Variants in PARD3B observed in about 807,000 individuals in gnomAD.
The protein encoded by PARD3B is partitioning defective 3 homolog B.
PARD3B carries 103 observed loss-of-function variants against 130.2 expected under a neutral mutation model. That is an observed-to-expected ratio of 0.79 (90% CI 0.67 to 0.93). The LOEUF is 0.93. PARD3B is among the 40% of genes least tolerant of loss of function. PARD3B has a pLI of 0.00. For synonymous variants in PARD3B, 583 were observed against 553.2 expected, an observed-to-expected ratio of 1.05 and a Z score of -0.76; for missense variants, 1,609 against 1,499.2, an observed-to-expected ratio of 1.07 and a Z score of -1.21.
chr2:205,319,545 C>T (rs2042677900), intron 18 of PARD3B, among the ~76,000 whole-genome samples: 1 of 152,194 alleles, frequency 6.6e-6, no homozygotes, highest in South Asian at 2.1e-4. Flanking sequence ...GGATGGACTG[C>T]TTCTAGACTA....
chr2:205,332,774 C>G (rs1269141769), intron 18 of PARD3B, among the ~76,000 whole-genome samples: 1 of 152,112 alleles, frequency 6.6e-6, no homozygotes, highest in Admixed American at 6.5e-5. Context: ...GTAGTGTCCA[C>G]TTTTCACTGA....
At chr2:205,346,889 T>C (rs960565600) in intron 18 of PARD3B, among the ~76,000 whole-genome samples, 2 of 152,166 alleles carry the variant, frequency 1.3e-5, no homozygotes, top group Non-Finnish European at 2.9e-5. Flanking sequence ...GTCTCCTTTT[T>C]AAATAGCGCC....
intron 13 of PARD3B, among the ~76,000 whole-genome samples, chr2:205,180,611 T>A (rs1189804518): frequency 1.3e-5 from 2 of 152,096 alleles, no homozygotes. Context: ...TCCTTTTTCC[T>A]TTCCTTTGTA....
intron 13 of PARD3B, among the ~76,000 whole-genome samples, chr2:205,179,181 T>G (rs1335636855): frequency 1.2e-4 from 19 of 152,060 alleles, no homozygotes; most frequent in Admixed American, 1.2e-3. Context: ...AATAAAGATA[T>G]AAAGAAAAAA....
intron 1 of PARD3B, among the ~76,000 whole-genome samples, chr2:204,684,265 G>C (rs192222332): frequency 6.6e-6 from 1 of 152,028 alleles, no homozygotes; most frequent in African/African-American, 2.4e-5. Context: ...CTGCTTTTAA[G>C]TACAAATATA....
At chr2:205,206,536 G>T (rs1340492775) in intron 15 of PARD3B, among the ~76,000 whole-genome samples, 2 of 151,152 alleles carry the variant, frequency 1.3e-5, no homozygotes, top group Non-Finnish European at 2.9e-5. Flanking sequence ...TCCCTACAAA[G>T]GACATGAACT....
At chr2:204,944,865 G>T (rs965868417) in intron 2 of PARD3B, among the ~76,000 whole-genome samples, 2 of 152,100 alleles carry the variant, frequency 1.3e-5, no homozygotes, top group Non-Finnish European at 2.9e-5. Context: ...ACCTCACAGG[G>T]CCTACGTTAG....
At chr2:205,236,852 T>G (rs2039084542) in intron 15 of PARD3B, among the ~76,000 whole-genome samples, 1 of 152,126 alleles carries the variant, frequency 6.6e-6, no homozygotes, top group African/African-American at 2.4e-5. Flanking sequence ...AAATACTTGA[T>G]AGAATCTAAT....
chr2:204,643,115 C>CAAAAACAAAAAAA (rs2035145541), intron 1 of PARD3B, among the ~76,000 whole-genome samples: 1 of 31,826 alleles, frequency 3.1e-5, no homozygotes, highest in African/African-American at 9.8e-5. Context: ...CTCTGTCTCA[C>CAAAAACAAAAAAA]AAAAAAAAAA....
At chr2:205,001,765 T>C (rs1013866862) in intron 3 of PARD3B, among the ~76,000 whole-genome samples, 1 of 152,174 alleles carries the variant, frequency 6.6e-6, no homozygotes, top group African/African-American at 2.4e-5. Flanking sequence ...CACCACACGG[T>C]TGCACAATAC....
intron 20 of PARD3B, among the ~76,000 whole-genome samples, chr2:205,495,085 A>C (rs1030838468): frequency 3.3e-5 from 5 of 152,112 alleles, no homozygotes; most frequent in African/African-American, 1.2e-4. Context: ...CTAGATTCCA[A>C]ATGCCTTAGT....
intron 20 of PARD3B, among the ~76,000 whole-genome samples, chr2:205,481,841 A>G (rs4675530): frequency 0.47 from 72,262 of 152,140 alleles, 19,018 homozygotes; most frequent in Admixed American, 0.62. Flanking sequence ...CCCATCTCTA[A>G]TGAGCACAGA....
intron 2 of PARD3B, among the ~76,000 whole-genome samples, chr2:204,840,263 G>A (rs1471868892): frequency 6.6e-6 from 1 of 152,116 alleles, no homozygotes; most frequent in African/African-American, 2.4e-5. Context: ...CAAGTTATTT[G>A]GGGTAGCTGT....
At chr2:205,333,795 A>C (rs536244340) in intron 18 of PARD3B, among the ~76,000 whole-genome samples, 2 of 152,222 alleles carry the variant, frequency 1.3e-5, no homozygotes, top group Admixed American at 6.5e-5. Flanking sequence ...AGATCTCTCT[A>C]TGATTCCCTC....
At position 205,112,639 on chromosome 2, in the gene PARD3B, C is replaced by T. The variant is rs776527278; in HGVS notation, c.594-852C>T. On this transcript the variant is annotated intron_variant, in intron 5 of 22. Transcript: ENST00000406610. ...AATTATATTTTCTCTGTGGGATTAACGGAGCCAGTAATTGTTCACAGTTAT... is the reference window on the plus strand; with the variant it reads ...AATTATATTTTCTCTGTGGGATTAATGGAGCCAGTAATTGTTCACAGTTAT... Among the ~76,000 whole-genome samples, 13 of 151,970 alleles carry T rather than the reference C, an allele frequency of 8.6e-5. 1 individual carries two copies. Among genetic ancestry groups the T allele is most frequent in the South Asian group, 8.3e-4 (4 of 4,808 alleles).
chr2:204,710,444 A>G (rs1301010070), intron 2 of PARD3B, among the ~76,000 whole-genome samples: 2 of 152,210 alleles, frequency 1.3e-5, no homozygotes, highest in Non-Finnish European at 2.9e-5. Flanking sequence ...ACTAATATGT[A>G]TGTTGAGATA....
chr2:205,220,250 G>A (rs2038167229), intron 15 of PARD3B, among the ~76,000 whole-genome samples: 2 of 152,106 alleles, frequency 1.3e-5, no homozygotes, highest in African/African-American at 4.8e-5. Flanking sequence ...CATTAATGTG[G>A]TTTTTGAGAT....
chr2:205,299,032 G>C (rs187908528), intron 16 of PARD3B, among the ~76,000 whole-genome samples: 8 of 152,266 alleles, frequency 5.3e-5, no homozygotes, highest in African/African-American at 1.9e-4. Flanking sequence ...GTTACTGTGG[G>C]TGAGGCATTT....
chr2:205,182,533 CACG>C (rs1254260631), intron 13 of PARD3B, among the ~76,000 whole-genome samples: 2 of 151,812 alleles, frequency 1.3e-5, no homozygotes, highest in Middle Eastern at 3.2e-3. Flanking sequence ...GAAAGAGGAA[CACG>C]AGGAGAAAGT....
Sources: gnomAD v4.1 joint callset for allele counts (sites outside exome capture counted in the v4.1 genomes callset) on GRCh38, gnomAD v4.1.1 for gene constraint, MANE v1.5 for transcripts, NCBI Gene and HGNC (gene_info 2026-07-23, HGNC 2026-07-21) for gene names.